Variants in GFPT1 observed in about 807,000 individuals in gnomAD.
GFPT1 encodes the protein glutamine--fructose-6-phosphate transaminase 1.
A neutral mutation model predicts 92.0 loss-of-function variants in GFPT1; 40 were observed. That is an observed-to-expected ratio of 0.43 (90% CI 0.34 to 0.57). The LOEUF is 0.57. Among genes scored for constraint, GFPT1 ranks in the 20% least tolerant of loss-of-function variants. The probability of loss-of-function intolerance (pLI) is 0.02; values close to 1 mark genes in which losing one functional copy is unlikely to be tolerated. For missense variants in GFPT1, 448 were observed against 869.1 expected, an observed-to-expected ratio of 0.52 and a Z score of 6.09; for synonymous variants, 269 against 280.6, an observed-to-expected ratio of 0.96 and a Z score of 0.41.
At chr2:69,379,320 T>C (rs1259860813) in intron 1 of GFPT1, among the ~76,000 whole-genome samples, 2 of 152,052 alleles carry the variant, frequency 1.3e-5, no homozygotes, top group African/African-American at 2.4e-5. Flanking sequence ...GGGCAGGAGT[T>C]TGAGATCAGC....
chr2:69,358,490 C>T (rs1206505493), intron 5 of GFPT1, 27 bp from the exon 6 acceptor site: 1 of 1,492,106 alleles, frequency 6.7e-7, no homozygotes, highest in Non-Finnish European at 9.3e-7. Flanking sequence ...AAAAAAGATA[C>T]AATTAAAGAA....
intron 13 of GFPT1, among the ~76,000 whole-genome samples, chr2:69,339,064 A>G (rs1016432016): frequency 1.3e-5 from 2 of 152,212 alleles, no homozygotes; most frequent in African/African-American, 4.8e-5. Context: ...GATTACAGGC[A>G]TGAGCCACTG....
intron 15 of GFPT1, among the ~76,000 whole-genome samples, chr2:69,334,912 G>A (rs372687734): frequency 6.3e-4 from 96 of 152,298 alleles, no homozygotes; most frequent in African/African-American, 2.2e-3. Flanking sequence ...GATAACAGTT[G>A]TACAGCCAAA....
intron 10 of GFPT1, 82 bp downstream of exon 10, chr2:69,349,996 C>G (rs376066690): frequency 3.3e-6 from 3 of 920,340 alleles, no homozygotes; most frequent in African/African-American, 3.2e-5. Flanking sequence ...CACAACTAGA[C>G]TGATACACAA....
intron 2 of GFPT1, among the ~76,000 whole-genome samples, chr2:69,372,307 C>G (rs573216280): frequency 3.5e-4 from 53 of 151,812 alleles, no homozygotes; most frequent in African/African-American, 1.3e-3. Context: ...CAGTGGCTCA[C>G]GCCTATAATC....
intron 15 of GFPT1, among the ~76,000 whole-genome samples, chr2:69,331,627 G>A (rs1276620653): frequency 6.6e-6 from 1 of 151,930 alleles, no homozygotes; most frequent in Non-Finnish European, 1.5e-5. Flanking sequence ...TTTCATTACT[G>A]TTATATTTTA....
At chr2:69,374,166 A>AT in intron 1 of GFPT1, 53 bp from the exon 2 acceptor site, 2 of 882,416 alleles carry the variant, frequency 2.3e-6, no homozygotes, top group Non-Finnish European at 3.8e-6. Context: ...AATCAAAATT[A>AT]GCATAATTAT....
intron 9 of GFPT1, among the ~76,000 whole-genome samples, chr2:69,350,916 A>AAAAAAG (rs1671190203): frequency 6.6e-6 from 1 of 152,096 alleles, no homozygotes; most frequent in Non-Finnish European, 1.5e-5. Flanking sequence ...AAAAAAAAAA[A>AAAAAAG]AAAAAGAAAA....
intron 2 of GFPT1, 69 bp downstream of exon 2, chr2:69,373,937 C>T (rs1481915642): frequency 3.8e-6 from 3 of 782,508 alleles, no homozygotes; most frequent in African/African-American, 1.7e-5. Context: ...AGTCTAGTCT[C>T]CTAATAACAA....
intron 1 of GFPT1, among the ~76,000 whole-genome samples, chr2:69,380,265 A>C (rs1437236133): frequency 1.3e-5 from 2 of 152,100 alleles, no homozygotes; most frequent in Non-Finnish European, 2.9e-5. Context: ...TGAGCCCAGG[A>C]GGTGGGGCAG....
intron 1 of GFPT1, among the ~76,000 whole-genome samples, chr2:69,384,775 GAAAA>G (rs749371265): frequency 7.7e-6 from 1 of 129,964 alleles, no homozygotes; most frequent in Non-Finnish European, 1.7e-5. Context: ...AAGAAAGAAA[GAAAA>G]AGAAAGAAAG....
chr2:69,341,062 G>A (rs962998999), intron 13 of GFPT1, among the ~76,000 whole-genome samples: 5 of 151,526 alleles, frequency 3.3e-5, no homozygotes, highest in Admixed American at 1.3e-4. Flanking sequence ...GGACTCAAGC[G>A]ATCCTCCTGC....
At chr2:69,357,544 G>A (rs1671368885) in intron 6 of GFPT1, among the ~76,000 whole-genome samples, 1 of 152,194 alleles carries the variant, frequency 6.6e-6, no homozygotes, top group Admixed American at 6.5e-5. Context: ...TGGGGAAAGG[G>A]AAGGAATAGG....
chr2:69,384,693 C>CAAAAAAAAAAAAAAAAAAAGAAAAAAAAA (rs1672088318), intron 1 of GFPT1, among the ~76,000 whole-genome samples: 1 of 106,630 alleles, frequency 9.4e-6, no homozygotes, highest in Non-Finnish European at 1.9e-5. Flanking sequence ...GGCCCCGTCA[C>CAAAAAAAAAAAAAAAAAAAGAAAAAAAAA]AAAAAAAAAA....
chr2:69,328,512 C>T, intron 17 of GFPT1, 74 bp from the exon 18 acceptor site: 1 of 1,067,520 alleles, frequency 9.4e-7, no homozygotes, highest in Non-Finnish European at 1.4e-6. Context: ...TTATAAAAAG[C>T]ATCTGATATG....
Position 69,348,205 on chromosome 2 carries a change from T to C in GFPT1, c.975A>G (p.Gln325=). 6.2e-7 allele frequency: 1 copy of C among 1,614,056 alleles called. No individual in the cohort carries two copies. Among genetic ancestry groups the C allele is most frequent in the Non-Finnish European group, 8.5e-7 (1 of 1,179,912 alleles). ...TCTGCTGGAGTTCCATCTGGAGTGT[T>C]TGCACAGCTCGTCCGGGGTGATCTC... ...TAGDHPGRAV[Q]TLQMELQQIM... Residue 325 remains glutamine (Q), a synonymous_variant, in exon 11 of 20, where the codon CAA becomes CAG. Transcript: ENST00000357308.
At chr2:69,336,394 TCA>T (rs1670800023) in intron 15 of GFPT1, among the ~76,000 whole-genome samples, 1 of 141,664 alleles carries the variant, frequency 7.1e-6, no homozygotes, top group Non-Finnish European at 1.6e-5. Context: ...TATATAAGAA[TCA>T]CAAACTTTCT....
chr2:69,365,589 C>G (rs886660841), intron 3 of GFPT1, among the ~76,000 whole-genome samples: 1 of 152,174 alleles, frequency 6.6e-6, no homozygotes, highest in Non-Finnish European at 1.5e-5. Flanking sequence ...AAACAGCAGC[C>G]TACCTTATTA....
chr2:69,372,198 C>CAAAAAAA (rs534920006), intron 2 of GFPT1, among the ~76,000 whole-genome samples: 1 of 52,730 alleles, frequency 1.9e-5, no homozygotes, highest in African/African-American at 6.6e-5. Flanking sequence ...GACTCCATCT[C>CAAAAAAA]AAAAAAAAAA....
Sources: gnomAD v4.1 joint callset for allele counts (sites outside exome capture counted in the v4.1 genomes callset) on GRCh38, gnomAD v4.1.1 for gene constraint, MANE v1.5 for transcripts, NCBI Gene and HGNC (gene_info 2026-07-23, HGNC 2026-07-21) for gene names.